SGCZ: variants seen among roughly 807,000 people sequenced by gnomAD.
The protein encoded by SGCZ is sarcoglycan zeta.
A neutral mutation model predicts 41.3 loss-of-function variants in SGCZ; 40 were observed. That is an observed-to-expected ratio of 0.97 (90% CI 0.75 to 1.26). The LOEUF (loss-of-function observed/expected upper bound fraction) is 1.26, where lower values mean the gene tolerates loss of function less well. Ranked by LOEUF, SGCZ falls within the 50% of genes most tolerant of loss-of-function variation. SGCZ has a pLI of 0.00. For missense variants in SGCZ, 552 were observed against 369.8 expected (o/e 1.49, Z -4.04); for synonymous variants, 206 against 137.5 (o/e 1.50, Z -3.49).
chr8:14,935,185 GAT>G (rs1331571708), intron 1 of SGCZ, among the ~76,000 whole-genome samples: 1 of 151,676 alleles, frequency 6.6e-6, no homozygotes, highest in Admixed American at 6.6e-5. Context: ...CTTATTAAAA[GAT>G]ATTTTATTTT....
chr8:14,371,811 T>A lies in SGCZ; in HGVS notation c.235-47607A>T, dbSNP rs1485183181. On this transcript the variant is annotated intron_variant, in intron 2 of 7. Coordinates refer to ENST00000382080, the MANE Select transcript of SGCZ (RefSeq NM_139167.4). ...GGAAACGTTATCTTTACATTATTTGTTGTACACATGTATAAATAAGATGTA... is the reference window on the plus strand; with the variant it reads ...GGAAACGTTATCTTTACATTATTTGATGTACACATGTATAAATAAGATGTA... Among the ~76,000 whole-genome samples the A allele has an allele frequency of 3.3e-5, 5 of 152,162 alleles. No individual in the cohort carries two copies. The South Asian group carries it at 6.2e-4, about 19-fold the overall frequency.
chr8:14,508,444 C>T (rs1802372310), intron 2 of SGCZ, among the ~76,000 whole-genome samples: 1 of 151,994 alleles, frequency 6.6e-6, no homozygotes, highest in Non-Finnish European at 1.5e-5. Flanking sequence ...AAAGAAGATC[C>T]ACCTGCCATG....
intron 1 of SGCZ, among the ~76,000 whole-genome samples, chr8:14,959,878 T>G (rs923429281): frequency 6.6e-6 from 1 of 152,172 alleles, no homozygotes; most frequent in Non-Finnish European, 1.5e-5. Context: ...GAGCAGGTAA[T>G]TAGCTTTTCC....
intron 1 of SGCZ, among the ~76,000 whole-genome samples, chr8:15,169,009 C>T (rs1438809130): frequency 6.6e-6 from 1 of 152,154 alleles, no homozygotes; most frequent in South Asian, 2.1e-4. Context: ...TTACCCCTTG[C>T]CTTGTTTTGT....
At chr8:14,153,640 G>C (rs1418541070) in intron 5 of SGCZ, among the ~76,000 whole-genome samples, 1 of 152,080 alleles carries the variant, frequency 6.6e-6, no homozygotes, top group Admixed American at 6.5e-5. Context: ...CCATTGTTTG[G>C]AATTCAGCTA....
chr8:14,417,875 G>A (rs1291778132), intron 2 of SGCZ, among the ~76,000 whole-genome samples: 1 of 151,786 alleles, frequency 6.6e-6, no homozygotes, highest in Non-Finnish European at 1.5e-5. Flanking sequence ...TCTCAATAAA[G>A]TTGGGAGAAA....
At chr8:15,115,153 G>A (rs935139068) in intron 1 of SGCZ, among the ~76,000 whole-genome samples, 1 of 152,158 alleles carries the variant, frequency 6.6e-6, no homozygotes, top group African/African-American at 2.4e-5. Flanking sequence ...TCCATGCAGT[G>A]ATTCAGAGAC....
chr8:14,163,862 C>T (rs539203463), intron 5 of SGCZ, among the ~76,000 whole-genome samples: 1 of 152,046 alleles, frequency 6.6e-6, no homozygotes. Context: ...TTATTATTTT[C>T]TTCTTGTTTT....
At chr8:14,699,552 C>G (rs772159905) in intron 1 of SGCZ, among the ~76,000 whole-genome samples, 1 of 151,778 alleles carries the variant, frequency 6.6e-6, no homozygotes, top group Non-Finnish European at 1.5e-5. Context: ...TGGACATCGA[C>G]CTTGGCAAAA....
chr8:14,566,209 G>C (rs1804353890), intron 1 of SGCZ, among the ~76,000 whole-genome samples: 1 of 152,128 alleles, frequency 6.6e-6, no homozygotes, highest in Non-Finnish European at 1.5e-5. Context: ...AAAGCAGTTG[G>C]ACTAATAATT....
intron 1 of SGCZ, among the ~76,000 whole-genome samples, chr8:14,831,401 T>A (rs758160634): frequency 2.6e-5 from 4 of 152,180 alleles, no homozygotes; most frequent in African/African-American, 7.2e-5. Context: ...GGGGCTACCA[T>A]GACTCCACCA....
At chr8:14,102,197 C>T (rs1364851882) in intron 7 of SGCZ, among the ~76,000 whole-genome samples, 179 bp downstream of exon 7, 4 of 151,102 alleles carry the variant, frequency 2.6e-5, no homozygotes, top group Non-Finnish European at 5.9e-5. Context: ...CTTGGCCTCC[C>T]AAATATATAC....
intron 1 of SGCZ, among the ~76,000 whole-genome samples, chr8:14,901,005 C>T (rs1314723379): frequency 6.6e-6 from 1 of 152,112 alleles, no homozygotes; most frequent in Non-Finnish European, 1.5e-5. Flanking sequence ...GTTTGATAAT[C>T]AAATTTATTA....
chr8:14,600,835 A>G (rs1465456087), intron 1 of SGCZ, among the ~76,000 whole-genome samples: 1 of 152,032 alleles, frequency 6.6e-6, no homozygotes, highest in East Asian at 1.9e-4. Context: ...TACAAATTAA[A>G]TCAATAGTAG....
intron 2 of SGCZ, among the ~76,000 whole-genome samples, chr8:14,346,451 A>G (rs903569848): frequency 7.9e-5 from 12 of 152,082 alleles, no homozygotes; most frequent in Admixed American, 2.6e-4. Flanking sequence ...AAAATGGTGA[A>G]AAAGAACTAT....
chr8:15,159,795 G>T (rs1014105386), intron 1 of SGCZ, among the ~76,000 whole-genome samples: 49 of 126,912 alleles, frequency 3.9e-4, no homozygotes, highest in Non-Finnish European at 5.8e-4. Flanking sequence ...TCAGCTTAAT[G>T]GCAGATAATT....
intron 1 of SGCZ, among the ~76,000 whole-genome samples, chr8:14,981,543 A>C (rs1801662771): frequency 6.6e-6 from 1 of 152,190 alleles, no homozygotes; most frequent in Non-Finnish European, 1.5e-5. Context: ...TTAACCATTT[A>C]AACAATTTAT....
intron 1 of SGCZ, among the ~76,000 whole-genome samples, chr8:15,227,633 T>C (rs956106356): frequency 2.6e-5 from 4 of 152,218 alleles, no homozygotes; most frequent in African/African-American, 7.2e-5. Flanking sequence ...CAAATTGTAG[T>C]TGATGTGTTT....
At chr8:14,771,845 C>T (rs2256138) in intron 1 of SGCZ, among the ~76,000 whole-genome samples, 2 of 151,896 alleles carry the variant, frequency 1.3e-5, no homozygotes, top group African/African-American at 2.4e-5. Context: ...AAAGATATTT[C>T]TTCATGAAAA....
Sources: gnomAD v4.1 joint callset for allele counts (sites outside exome capture counted in the v4.1 genomes callset) on GRCh38, gnomAD v4.1.1 for gene constraint, MANE v1.5 for transcripts, NCBI Gene and HGNC (gene_info 2026-07-23, HGNC 2026-07-21) for gene names.